ZFHX3: variants seen among roughly 807,000 people sequenced by gnomAD.
The protein encoded by ZFHX3 is zinc finger homeobox protein 3.
In ZFHX3, 42 loss-of-function variants were observed where a neutral mutation model predicts 279.1. That is an observed-to-expected ratio of 0.15 (90% CI 0.12 to 0.19). ZFHX3 has a LOEUF of 0.19. Ranked by LOEUF, ZFHX3 falls within the 10% of genes least tolerant of loss-of-function variation. ZFHX3 has a pLI of 1.00. For missense variants in ZFHX3, 4,981 were observed against 4,754.0 expected (o/e 1.05, Z -1.40); for synonymous variants, 2,293 against 1,957.8 (o/e 1.17, Z -4.52).
chr16:73,794,647 T>C (rs1334553033), intron 1 of ZFHX3, among the ~76,000 whole-genome samples: 3 of 152,178 alleles, frequency 2.0e-5, no homozygotes, highest in African/African-American at 7.2e-5. Flanking sequence ...TGCAAACTCA[T>C]TCACATCAAG....
At chr16:73,285,003 G>A (rs548573449) in intron 4 of ZFHX3, among the ~76,000 whole-genome samples, 8 of 152,276 alleles carry the variant, frequency 5.3e-5, no homozygotes, top group African/African-American at 1.9e-4. Flanking sequence ...AGCACGCCTG[G>A]CTAATGCTTT....
At chr16:73,449,595 C>T (rs1364312228) in intron 3 of ZFHX3, among the ~76,000 whole-genome samples, 1 of 152,136 alleles carries the variant, frequency 6.6e-6, no homozygotes, top group Non-Finnish European at 1.5e-5. Flanking sequence ...ATCTAAAAAA[C>T]TTGAGCACTT....
chr16:73,074,250 C>T (rs562614906), intron 8 of ZFHX3, among the ~76,000 whole-genome samples: 7 of 152,308 alleles, frequency 4.6e-5, no homozygotes, highest in East Asian at 1.9e-4. Context: ...CACTTCCTCA[C>T]GCGGACCCTG....
At chr16:73,122,752 G>A (rs1966514962) in intron 7 of ZFHX3, among the ~76,000 whole-genome samples, 1 of 152,144 alleles carries the variant, frequency 6.6e-6, no homozygotes, top group African/African-American at 2.4e-5. Context: ...AAAACACGAA[G>A]TGAGGAGAGC....
intron 1 of ZFHX3, among the ~76,000 whole-genome samples, chr16:73,775,760 G>T (rs187759465): frequency 1.3e-4 from 20 of 152,280 alleles, no homozygotes; most frequent in Admixed American, 1.1e-3. Context: ...TAATAAGGCA[G>T]GTGTAGGGGC....
At chr16:73,000,487 A>G (rs1215692291) in intron 1 of ZFHX3, among the ~76,000 whole-genome samples, 1 of 152,204 alleles carries the variant, frequency 6.6e-6, no homozygotes, top group African/African-American at 2.4e-5. Context: ...CCAATAGAGT[A>G]TCCTTTAACT....
At chr16:73,287,571 T>G (rs1469411805) in intron 4 of ZFHX3, among the ~76,000 whole-genome samples, 2 of 142,866 alleles carry the variant, frequency 1.4e-5, no homozygotes, top group Non-Finnish European at 3.0e-5. Flanking sequence ...TGGGTCGGTG[T>G]GTGGCTGTAT....
chr16:73,295,857 G>T (rs967453085), intron 4 of ZFHX3, among the ~76,000 whole-genome samples: 206 of 152,300 alleles, frequency 1.4e-3, no homozygotes, highest in African/African-American at 4.7e-3. Context: ...CTCTGGCTGG[G>T]CTTTACCCAA....
rs966198801 is a variant in ZFHX3, at chr16:73,319,820, CGAA to C, written c.-1290-1487_-1290-1485del. ...AATTTAACAAAAGAAAGAGCCCAGGCGAAGAAGAAGAGAGAGGAGAGAGACAGA... is the reference window on the plus strand; with the variant it reads ...AATTTAACAAAAGAAAGAGCCCAGGCGAAGAAGAGAGAGGAGAGAGACAGA... On this transcript the variant is annotated intron_variant, in intron 3 of 17. Transcript: ENST00000641206. 5.3e-5 allele frequency among the ~76,000 whole-genome samples: 8 copies of C among 152,164 alleles called. No homozygotes were observed. In the East Asian group the frequency reaches 5.8e-4, roughly 11 times the overall value.
At chr16:73,106,096 C>A (rs896956226) in intron 7 of ZFHX3, among the ~76,000 whole-genome samples, 3 of 152,062 alleles carry the variant, frequency 2.0e-5, no homozygotes, top group Admixed American at 6.6e-5. Flanking sequence ...CTGTTAGGGG[C>A]TTCTCTTGGT....
At chr16:73,414,909 C>A (rs1462476792) in intron 3 of ZFHX3, among the ~76,000 whole-genome samples, 1 of 152,206 alleles carries the variant, frequency 6.6e-6, no homozygotes, top group East Asian at 1.9e-4. Flanking sequence ...GAGGTGAGAA[C>A]AGACTAGCTA....
chr16:73,121,549 T>G (rs941628028), intron 7 of ZFHX3, among the ~76,000 whole-genome samples: 2 of 152,162 alleles, frequency 1.3e-5, no homozygotes, highest in African/African-American at 4.8e-5. Flanking sequence ...CACAGTGGCC[T>G]TCTAACATCT....
chr16:73,108,946 C>A (rs867237211), intron 7 of ZFHX3, among the ~76,000 whole-genome samples: 1 of 152,160 alleles, frequency 6.6e-6, no homozygotes, highest in African/African-American at 2.4e-5. Flanking sequence ...CGTTTGCCAG[C>A]GATTTGGTGG....
chr16:73,634,160 TATC>T (rs1423659544), intron 2 of ZFHX3, among the ~76,000 whole-genome samples: 3 of 151,970 alleles, frequency 2.0e-5, no homozygotes, highest in South Asian at 2.1e-4. Context: ...ACACACACTG[TATC>T]ATGTCAATAC....
chr16:73,521,736 T>C (rs1016577770), intron 2 of ZFHX3, among the ~76,000 whole-genome samples: 7 of 151,970 alleles, frequency 4.6e-5, no homozygotes, highest in African/African-American at 1.4e-4. Flanking sequence ...TATAGTAGCA[T>C]TTTAAATTTT....
At chr16:73,105,458 T>TACACACACACA (rs1396464674) in intron 7 of ZFHX3, among the ~76,000 whole-genome samples, 1 of 63,516 alleles carries the variant, frequency 1.6e-5, no homozygotes, top group Non-Finnish European at 3.4e-5. Flanking sequence ...TATATATATA[T>TACACACACACA]TTTTTCCCCC....
intron 2 of ZFHX3, among the ~76,000 whole-genome samples, chr16:73,627,889 G>A (rs912612694): frequency 6.6e-6 from 1 of 152,198 alleles, no homozygotes; most frequent in African/African-American, 2.4e-5. Context: ...CTGCACTCCA[G>A]CCTGGGCGAC....
intron 3 of ZFHX3, among the ~76,000 whole-genome samples, chr16:73,321,231 G>C (rs904934406): frequency 2.0e-5 from 3 of 152,098 alleles, no homozygotes; most frequent in African/African-American, 7.2e-5. Flanking sequence ...ATACGCTCTG[G>C]CTTCCTCAGG....
chr16:73,654,665 A>G (rs1439855561), intron 2 of ZFHX3, among the ~76,000 whole-genome samples: 1 of 152,092 alleles, frequency 6.6e-6, no homozygotes, highest in East Asian at 1.9e-4. Flanking sequence ...GGTAAATTAA[A>G]CATGAGTAAA....
Sources: gnomAD v4.1 joint callset for allele counts (sites outside exome capture counted in the v4.1 genomes callset) on GRCh38, gnomAD v4.1.1 for gene constraint, MANE v1.5 for transcripts, NCBI Gene and HGNC (gene_info 2026-07-23, HGNC 2026-07-21) for gene names.